The following ZNF469 variants were observed in gnomAD, a reference collection of about 807,000 sequenced individuals.
ZNF469 encodes zinc finger protein 469.
Under a neutral mutation model 1.0 loss-of-function variants are expected in ZNF469, and 1 was observed. The observed-to-expected ratio is 1.00, with a 90% CI of 0.35 to 4.73. The LOEUF (loss-of-function observed/expected upper bound fraction) is 4.73, where lower values mean the gene tolerates loss of function less well. Ranked by LOEUF, ZNF469 falls within the 30% of genes most tolerant of loss-of-function variation. The pLI, the probability that ZNF469 is intolerant of heterozygous loss-of-function variation, is 0.16. For missense variants in ZNF469, 6,100 were observed against 5,356.3 expected (o/e 1.14, Z -4.33); for synonymous variants, 2,703 against 2,363.4 (o/e 1.14, Z -4.17).
chr16:88,417,666 G>A (rs1177925608), intron 1 of ZNF469, among the ~76,000 whole-genome samples: 1 of 152,246 alleles, frequency 6.6e-6, no homozygotes, highest in Non-Finnish European at 1.5e-5. Flanking sequence ...GATGGAGGCA[G>A]CTGGCGTTTG....
chr16:88,104,608 G>A, the ZNF469 span, among the ~76,000 whole-genome samples: 2 of 152,214 alleles, frequency 1.3e-5, no homozygotes, highest in African/African-American at 4.8e-5. Context: ...TGTCTCCCTC[G>A]CTCAGCGTCA....
chr16:88,201,986 T>C, the ZNF469 span, among the ~76,000 whole-genome samples: 1 of 152,072 alleles, frequency 6.6e-6, no homozygotes, highest in African/African-American at 2.4e-5. The surrounding 1 kb of genome is among the most constrained non-coding windows in gnomAD (Gnocchi z 5.0). Flanking sequence ...CTGTTCCTCC[T>C]CCCTTTTTGC....
At chr16:88,215,823 G>A in the ZNF469 span, among the ~76,000 whole-genome samples, 14 of 152,074 alleles carry the variant, frequency 9.2e-5, no homozygotes, top group African/African-American at 3.4e-4. Context: ...CCTGGATAAT[G>A]CCAGAATCTT....
At chr16:88,358,615 T>G in the ZNF469 span, among the ~76,000 whole-genome samples, 6 of 152,212 alleles carry the variant, frequency 3.9e-5, no homozygotes, top group Admixed American at 3.3e-4. Flanking sequence ...CTGCCTCTCT[T>G]GCAGAGAACG....
chr16:88,431,517 C>T lies in ZNF469; in HGVS notation c.4047C>T (p.Ile1349=), dbSNP rs762207129. The change falls in exon 3 of 3, where the codon ATC becomes ATT. Residue 1349 remains isoleucine, a synonymous_variant. Coordinates refer to ENST00000565624, the MANE Select transcript of ZNF469 (RefSeq NM_001367624.2). Reference sequence around the variant, plus strand: ...AACCCAGTGTTCTGTCTTCAAAGATCTCCAGTTTTGGCTGTGACCCTGCTG... The same window carrying T: ...AACCCAGTGTTCTGTCTTCAAAGATTTCCAGTTTTGGCTGTGACCCTGCTG... ...CPKPSVLSSK[I]SSFGCDPAGF... The T allele has an allele frequency of 2.6e-6, 4 of 1,550,342 alleles. No homozygotes were observed. Among genetic ancestry groups the T allele is most frequent in the Non-Finnish European group, 1.7e-6 (2 of 1,147,006 alleles).
chr16:88,184,011 G>T, the ZNF469 span, among the ~76,000 whole-genome samples: 1 of 152,118 alleles, frequency 6.6e-6, no homozygotes, highest in Non-Finnish European at 1.5e-5. Context: ...TACCGGGAAG[G>T]AGGAACGCAG....
At chr16:88,191,874 A>G in the ZNF469 span, 10 of 152,128 alleles carry the variant, frequency 6.6e-5, no homozygotes, top group African/African-American at 2.2e-4. Flanking sequence ...TGGGATGGGG[A>G]CCCCAGGGGC....
chr16:88,215,492 C>T, the ZNF469 span, among the ~76,000 whole-genome samples: 13 of 141,964 alleles, frequency 9.2e-5, no homozygotes, highest in Non-Finnish European at 1.7e-4. Flanking sequence ...AGGGTTCAAG[C>T]GATTCTCCTG....
the ZNF469 span, among the ~76,000 whole-genome samples, chr16:88,225,552 A>G: frequency 3.9e-5 from 6 of 151,980 alleles, no homozygotes; most frequent in Admixed American, 1.3e-4. Context: ...AAGGGGGTGA[A>G]GGAGGAGCCG....
the ZNF469 span, among the ~76,000 whole-genome samples, chr16:88,300,870 G>C: frequency 6.6e-6 from 1 of 152,118 alleles, no homozygotes; most frequent in Non-Finnish European, 1.5e-5. Context: ...TTGGAGACCA[G>C]CCTGGCCAAC....
chr16:88,431,622 C>G lies in ZNF469; in HGVS notation c.4152C>G (p.Phe1384Leu). The G allele has an allele frequency of 6.4e-7, 1 of 1,550,478 alleles. No homozygotes were observed. The highest frequency in any genetic ancestry group is 1.2e-5 in the South Asian group (1 of 84,060). ...ACAGCAGCCCCCACAGTGAGTTGTT[C>G]CTCGGACCCAAAGACCTGGCTGGCT... ...QPYSSPHSEL[F>L]LGPKDLAGCF... The change falls in exon 3 of 3, where the codon TTC (phenylalanine) becomes TTG (leucine). Residue 1384 changes from phenylalanine (F) to leucine (L), a missense_variant. By Grantham distance (22) the Phe-to-Leu change is conservative. Transcript: ENST00000565624.
At chr16:88,223,333 C>T in the ZNF469 span, among the ~76,000 whole-genome samples, 1 of 152,196 alleles carries the variant, frequency 6.6e-6, no homozygotes, top group Non-Finnish European at 1.5e-5. Context: ...TTGCCTGCTG[C>T]CATGTAAGAC....
the ZNF469 span, among the ~76,000 whole-genome samples, chr16:88,304,534 G>C: frequency 6.6e-6 from 1 of 152,138 alleles, no homozygotes; most frequent in Admixed American, 6.5e-5. Context: ...GTGAGCAAGG[G>C]GGCCAGCATG....
chr16:88,439,415 G>A lies in ZNF469; in HGVS notation c.*83G>A. On this transcript the variant is annotated 3_prime_UTR_variant, in exon 3 of 3. Coordinates refer to ENST00000565624, the MANE Select transcript of ZNF469 (RefSeq NM_001367624.2). Reference sequence around the variant, plus strand: ...TTGGCCAGCTCCGGCTCCCTGAGATGGTCCACTCTGTGGCCACTTGACTTC... The same window carrying A: ...TTGGCCAGCTCCGGCTCCCTGAGATAGTCCACTCTGTGGCCACTTGACTTC... 1 of 1,460,170 alleles carries A rather than the reference G, an allele frequency of 6.8e-7. No individual in the cohort carries two copies. Among genetic ancestry groups the A allele is most frequent in the Non-Finnish European group, 9.4e-7 (1 of 1,067,378 alleles). 90.5% of individuals were successfully genotyped at this position (1,460,170 alleles called of 1,614,324 possible). A position where few individuals can be genotyped will look rare whatever the true frequency, so the allele number is the denominator to read the frequency against.
the ZNF469 span, among the ~76,000 whole-genome samples, chr16:88,185,511 GCATA>G: frequency 6.9e-6 from 1 of 144,002 alleles, no homozygotes; most frequent in African/African-American, 2.6e-5. Flanking sequence ...ATGCACACAT[GCATA>G]CATACATGTG....
the ZNF469 span, among the ~76,000 whole-genome samples, chr16:88,248,532 CA>C: frequency 1.3e-5 from 2 of 151,804 alleles, no homozygotes; most frequent in African/African-American, 4.8e-5. Flanking sequence ...ACCCCTGTCT[CA>C]AAAAAACAAT....
At chr16:88,382,857 C>T (rs1185678834), upstream of ZNF469, among the ~76,000 whole-genome samples, 5 of 151,624 alleles carry the variant, frequency 3.3e-5, no homozygotes, top group African/African-American at 1.2e-4. Context: ...GGGGTGGGTC[C>T]CATGAAACAA....
the ZNF469 span, among the ~76,000 whole-genome samples, chr16:88,191,912 C>G: frequency 8.5e-5 from 13 of 152,198 alleles, no homozygotes; most frequent in African/African-American, 2.9e-4. Context: ...GTCTCCCTCT[C>G]AAATTTGTAT....
chr16:88,410,511 C>T (rs543922844), intron 1 of ZNF469, among the ~76,000 whole-genome samples: 4 of 139,124 alleles, frequency 2.9e-5, no homozygotes, highest in East Asian at 2.2e-4. Context: ...GTGCAGGTCA[C>T]GTGGTCATGG....
Sources: gnomAD v4.1 joint callset for allele counts (sites outside exome capture counted in the v4.1 genomes callset) on GRCh38, gnomAD v4.1.1 for gene constraint, Gnocchi (gnomAD v3.1) non-coding constraint, MANE v1.5 for transcripts, NCBI Gene and HGNC (gene_info 2026-07-23, HGNC 2026-07-21) for gene names.